Variants in HPSE2 observed in about 807,000 individuals in gnomAD.
HPSE2 encodes inactive heparanase-2.
In HPSE2, 38 loss-of-function variants were observed where a neutral mutation model predicts 60.5. That is an observed-to-expected ratio of 0.63 (90% CI 0.48 to 0.82). HPSE2 has a LOEUF of 0.82. Among genes scored for constraint, HPSE2 ranks in the 40% least tolerant of loss-of-function variants. HPSE2 has a pLI of 0.00. For synonymous variants in HPSE2, 295 were observed against 293.2 expected, an observed-to-expected ratio of 1.01 and a Z score of -0.06; for missense variants, 713 against 740.4, an observed-to-expected ratio of 0.96 and a Z score of 0.43.
At chr10:99,081,695 G>A (rs1843147344) in intron 3 of HPSE2, among the ~76,000 whole-genome samples, 1 of 151,824 alleles carries the variant, frequency 6.6e-6, no homozygotes, top group Admixed American at 6.6e-5. Context: ...GGAGTGCAGT[G>A]GCGTGATCTC....
intron 3 of HPSE2, among the ~76,000 whole-genome samples, chr10:98,800,527 G>A (rs997778485): frequency 1.4e-5 from 2 of 148,036 alleles, no homozygotes; most frequent in Admixed American, 6.7e-5. Flanking sequence ...ATAAAATCAG[G>A]GATTAAAAAG....
intron 3 of HPSE2, among the ~76,000 whole-genome samples, chr10:99,054,557 A>G (rs1252763051): frequency 1.3e-5 from 2 of 152,206 alleles, no homozygotes; most frequent in African/African-American, 2.4e-5. Context: ...AAGATCACAG[A>G]TCTTCCACAG....
At chr10:98,497,681 T>C (rs963194142) in intron 9 of HPSE2, among the ~76,000 whole-genome samples, 6 of 152,204 alleles carry the variant, frequency 3.9e-5, no homozygotes, top group Non-Finnish European at 7.3e-5. Context: ...GATCACAAAT[T>C]TGTAAATATC....
chr10:98,667,905 A>G (rs927109722), intron 6 of HPSE2, among the ~76,000 whole-genome samples: 4 of 152,222 alleles, frequency 2.6e-5, no homozygotes, highest in Non-Finnish European at 5.9e-5. Context: ...TTTCTATTCA[A>G]CATGGTATTG....
intron 2 of HPSE2, among the ~76,000 whole-genome samples, chr10:99,201,339 C>A (rs1345327190): frequency 1.3e-5 from 2 of 152,062 alleles, no homozygotes; most frequent in Non-Finnish European, 2.9e-5. Flanking sequence ...TCTTGAATAT[C>A]TTCACTAGCC....
At chr10:99,120,814 C>A (rs748737258) in intron 3 of HPSE2, among the ~76,000 whole-genome samples, 5 of 152,138 alleles carry the variant, frequency 3.3e-5, no homozygotes, top group Admixed American at 6.5e-5. Flanking sequence ...ATAACAGATG[C>A]TGGCAAGGAT....
chr10:98,472,081 T>C (rs896194724), intron 11 of HPSE2, among the ~76,000 whole-genome samples: 4 of 152,170 alleles, frequency 2.6e-5, no homozygotes, highest in African/African-American at 9.7e-5. Flanking sequence ...TGGGTTTCAA[T>C]GAGTAAGCTT....
intron 3 of HPSE2, among the ~76,000 whole-genome samples, chr10:98,862,756 G>A (rs1285085914): frequency 6.6e-6 from 1 of 152,094 alleles, no homozygotes; most frequent in Non-Finnish European, 1.5e-5. Flanking sequence ...TGAAAACAAT[G>A]CTGTTGTTGC....
At chr10:99,294,721 G>A in the HPSE2 span, among the ~76,000 whole-genome samples, 1 of 151,890 alleles carries the variant, frequency 6.6e-6, no homozygotes, top group East Asian at 1.9e-4. Flanking sequence ...ATCATCTGAG[G>A]TCAGGAGTTT....
At chr10:99,215,069 T>A (rs1849074020) in intron 2 of HPSE2, among the ~76,000 whole-genome samples, 1 of 152,114 alleles carries the variant, frequency 6.6e-6, no homozygotes. Context: ...ACCATTTGAC[T>A]CAGCAATCCC....
At chr10:98,666,611 G>T (rs1342023896) in intron 6 of HPSE2, among the ~76,000 whole-genome samples, 1 of 152,032 alleles carries the variant, frequency 6.6e-6, no homozygotes, top group Non-Finnish European at 1.5e-5. Context: ...AATAAAAATA[G>T]AAATTAATAC....
chr10:99,071,434 C>A (rs1364829488), intron 3 of HPSE2, among the ~76,000 whole-genome samples: 1 of 152,104 alleles, frequency 6.6e-6, no homozygotes, highest in African/African-American at 2.4e-5. Context: ...CACATTCCCA[C>A]CAGCTGAGTA....
rs75853200 is a variant in HPSE2, at chr10:98,490,295, G to T, written c.1321-99C>A. 9,923 of 1,322,230 alleles carry T rather than the reference G, an allele frequency of 7.5e-3. 468 individuals carry two copies. The African/African-American group carries it at 0.12, about 16-fold the overall frequency. The allele number at this position is 1,322,230 out of a possible 1,614,324, so 81.9% of individuals were successfully genotyped here. A position where few individuals can be genotyped will look rare whatever the true frequency, so the allele number is the denominator to read the frequency against. On this transcript the variant is annotated intron_variant, in intron 9 of 11. Transcript: ENST00000370552. ...CACACACACACACACACACACACGG[G>T]CCAGAAATCACTTCCTACCTGGAGT...
the HPSE2 span, among the ~76,000 whole-genome samples, chr10:99,309,640 T>C: frequency 6.6e-6 from 1 of 152,244 alleles, no homozygotes; most frequent in South Asian, 2.1e-4. Context: ...GTACTGTCTA[T>C]GGCTTCCATT....
chr10:99,272,857 CTG>C, the HPSE2 span, among the ~76,000 whole-genome samples: 74 of 152,274 alleles, frequency 4.9e-4, no homozygotes, highest in African/African-American at 1.8e-3. Flanking sequence ...CTATGGAAAA[CTG>C]TGGAGATTCC....
At chr10:99,101,741 A>T (rs972893206) in intron 3 of HPSE2, among the ~76,000 whole-genome samples, 5 of 152,114 alleles carry the variant, frequency 3.3e-5, no homozygotes, top group Admixed American at 2.0e-4. Flanking sequence ...GAAGTAAAGC[A>T]CTCCTCAGCA....
chr10:98,862,137 T>C (rs1367612876), intron 3 of HPSE2, among the ~76,000 whole-genome samples: 1 of 152,174 alleles, frequency 6.6e-6, no homozygotes, highest in Non-Finnish European at 1.5e-5. Context: ...GATATCTCAT[T>C]GTGCGGAGAT....
chr10:99,026,622 G>C (rs1054429892), intron 3 of HPSE2, among the ~76,000 whole-genome samples: 1 of 151,162 alleles, frequency 6.6e-6, no homozygotes, highest in Non-Finnish European at 1.5e-5. Flanking sequence ...AGATCAAATG[G>C]ATCTGAGATA....
intron 2 of HPSE2, among the ~76,000 whole-genome samples, chr10:99,161,235 G>T (rs61883607): frequency 6.7e-6 from 1 of 149,944 alleles, no homozygotes; most frequent in Non-Finnish European, 1.5e-5. Flanking sequence ...AAAAAAAAAG[G>T]ACTTGTACAT....
Sources: gnomAD v4.1 joint callset for allele counts (sites outside exome capture counted in the v4.1 genomes callset) on GRCh38, gnomAD v4.1.1 for gene constraint, MANE v1.5 for transcripts, NCBI Gene and HGNC (gene_info 2026-07-23, HGNC 2026-07-21) for gene names.